Variants in MAGI2 observed in about 807,000 individuals in gnomAD.
The protein encoded by MAGI2 is membrane associated guanylate kinase, WW and PDZ domain containing 2, also known as membrane-associated guanylate kinase, WW and PDZ domain-containing protein 2.
In MAGI2, 35 loss-of-function variants were observed where a neutral mutation model predicts 133.3. The ratio of observed to expected loss-of-function variants is 0.26; its 90% CI spans 0.20 to 0.35. MAGI2 has a LOEUF of 0.35. MAGI2 is among the 10% of genes least tolerant of loss of function. The pLI is 1.00. For synonymous variants in MAGI2, 729 were observed against 710.6 expected (o/e 1.03, Z -0.41); for missense variants, 1,636 against 1,863.4 (o/e 0.88, Z 2.25).
intron 7 of MAGI2, among the ~76,000 whole-genome samples, chr7:78,361,430 C>A (rs1276551000): frequency 6.6e-6 from 1 of 151,470 alleles, no homozygotes; most frequent in Non-Finnish European, 1.5e-5. Context: ...TACAACCCCC[C>A]TCCCCCCCAC....
intron 2 of MAGI2, among the ~76,000 whole-genome samples, chr7:78,935,974 A>G (rs1230245593): frequency 6.6e-6 from 1 of 152,090 alleles, no homozygotes; most frequent in African/African-American, 2.4e-5. Context: ...CCTTTTCTAG[A>G]TGTAATTTTT....
chr7:78,509,290 C>G (rs570054784), intron 4 of MAGI2: 1 of 152,208 alleles, frequency 6.6e-6, no homozygotes, highest in African/African-American at 2.4e-5. Context: ...ACGAAACAGA[C>G]ATTTATAACA....
rs564377512 is a variant in MAGI2 at position 78,936,010 on chromosome 7, A to G, written c.418+71080T>C. ...TAATATACTGATTCCCCAAATCAAT[A>G]CATTTCATGTCTTCCGTTACAAGTT... On this transcript the variant is annotated intron_variant, in intron 2 of 21. Transcript: ENST00000354212. Among the ~76,000 whole-genome samples, 5 of 152,252 alleles carry G rather than the reference A, an allele frequency of 3.3e-5. No homozygotes were observed. In the South Asian group the frequency reaches 1.0e-3, roughly 32 times the overall value.
intron 1 of MAGI2, among the ~76,000 whole-genome samples, chr7:79,441,377 A>G (rs1848485660): frequency 6.6e-6 from 1 of 152,198 alleles, no homozygotes; most frequent in Non-Finnish European, 1.5e-5. Context: ...TTCCCCAATG[A>G]TAAAAGGCAT....
intron 2 of MAGI2, among the ~76,000 whole-genome samples, chr7:78,669,478 A>T (rs1814068901): frequency 6.6e-6 from 1 of 152,188 alleles, no homozygotes; most frequent in South Asian, 2.1e-4. Flanking sequence ...TCACAGCCAA[A>T]TTCTACCAGA....
intron 2 of MAGI2, among the ~76,000 whole-genome samples, chr7:78,689,717 T>C (rs994927297): frequency 2.7e-5 from 3 of 111,776 alleles, no homozygotes; most frequent in African/African-American, 9.8e-5. Flanking sequence ...TAAGCTTCAG[T>C]GTTTTGCTAA....
At chr7:78,714,078 G>A (rs1443046348) in intron 2 of MAGI2, among the ~76,000 whole-genome samples, 1 of 80,584 alleles carries the variant, frequency 1.2e-5, no homozygotes, top group Non-Finnish European at 3.1e-5. Context: ...GGGGGAAGAG[G>A]TGAAAGAAAG....
chr7:78,051,481 T>C (rs1436479164), intron 21 of MAGI2, among the ~76,000 whole-genome samples: 2 of 152,046 alleles, frequency 1.3e-5, no homozygotes, highest in Non-Finnish European at 2.9e-5. Flanking sequence ...TTGAAGGGAG[T>C]CTTCTTGTGT....
intron 1 of MAGI2, among the ~76,000 whole-genome samples, chr7:79,206,986 G>C (rs768634360): frequency 6.6e-6 from 1 of 151,846 alleles, no homozygotes; most frequent in Middle Eastern, 3.2e-3. Flanking sequence ...TTAAATAGAT[G>C]CCTTAAAATT....
rs1473066699 is a variant in MAGI2, at chr7:78,019,240, A to G, written c.*75T>C. ...TCTATGCGTGTGACAGTGAAAATAA[A>G]TTAAAACGCCGTGAGACGGAACCTA... On this transcript the variant is annotated 3_prime_UTR_variant, in exon 22 of 22. Coordinates refer to ENST00000354212, the MANE Select transcript of MAGI2 (RefSeq NM_012301.4). The G allele has an allele frequency of 2.6e-6, 4 of 1,530,666 alleles. No individual in the cohort carries two copies. The African/African-American group carries it at 4.1e-5, about 16-fold the overall frequency. 94.8% of individuals were successfully genotyped at this position (1,530,666 alleles called of 1,614,324 possible). A position where few individuals can be genotyped will look rare whatever the true frequency, so the allele number is the denominator to read the frequency against.
intron 2 of MAGI2, among the ~76,000 whole-genome samples, chr7:78,711,327 C>G (rs1460416451): frequency 6.6e-6 from 1 of 151,986 alleles, no homozygotes; most frequent in Non-Finnish European, 1.5e-5. Flanking sequence ...AATAAGGTAA[C>G]ATTAGAAATA....
intron 3 of MAGI2, among the ~76,000 whole-genome samples, chr7:78,536,683 C>T (rs993606589): frequency 4.0e-5 from 6 of 151,686 alleles, no homozygotes; most frequent in Non-Finnish European, 8.8e-5. Context: ...CAATCTTGGA[C>T]ATATCTAAAT....
intron 3 of MAGI2, among the ~76,000 whole-genome samples, chr7:78,563,057 T>C (rs1329260893): frequency 6.6e-6 from 1 of 151,904 alleles, no homozygotes; most frequent in Admixed American, 6.6e-5. Flanking sequence ...GTTCGCCTGC[T>C]GACAACATGG....
At chr7:78,706,805 T>C (rs1818695966) in intron 2 of MAGI2, among the ~76,000 whole-genome samples, 1 of 152,084 alleles carries the variant, frequency 6.6e-6, no homozygotes, top group Non-Finnish European at 1.5e-5. Flanking sequence ...TTTTGGTTTT[T>C]GTTTTTCTCC....
chr7:78,610,437 C>T (rs981233389), intron 3 of MAGI2, among the ~76,000 whole-genome samples: 1 of 152,232 alleles, frequency 6.6e-6, no homozygotes, highest in Non-Finnish European at 1.5e-5. Context: ...CTTGGCTTTA[C>T]AGGGAACACA....
At chr7:78,558,886 G>A (rs1800102110) in intron 3 of MAGI2, among the ~76,000 whole-genome samples, 1 of 147,804 alleles carries the variant, frequency 6.8e-6, no homozygotes, top group Non-Finnish European at 1.5e-5. Flanking sequence ...AACACACCAG[G>A]ATGACTTTAA....
chr7:79,390,871 G>A (rs1013871423), intron 1 of MAGI2, among the ~76,000 whole-genome samples: 3 of 152,190 alleles, frequency 2.0e-5, no homozygotes, highest in Non-Finnish European at 2.9e-5. Flanking sequence ...TTAGCAGAAA[G>A]AGCCTACAGT....
chr7:79,429,540 A>C (rs1227204665), intron 1 of MAGI2, among the ~76,000 whole-genome samples: 2 of 152,084 alleles, frequency 1.3e-5, no homozygotes, highest in Admixed American at 1.3e-4. Context: ...CCTGGCCTCA[A>C]GTGATCCGCC....
intron 21 of MAGI2, among the ~76,000 whole-genome samples, chr7:78,028,970 G>C (rs1809269560): frequency 6.6e-6 from 1 of 151,998 alleles, no homozygotes; most frequent in Non-Finnish European, 1.5e-5. Flanking sequence ...TGAGAATCAG[G>C]ATAACTGACT....
Sources: allele counts gnomAD v4.1 joint callset (sites outside exome capture counted in the v4.1 genomes callset), GRCh38; gene constraint gnomAD v4.1.1; transcripts MANE v1.5; gene names NCBI Gene and HGNC (gene_info 2026-07-23, HGNC 2026-07-21).